The following LRRC72 variants were observed in gnomAD, a reference collection of about 807,000 sequenced individuals.
LRRC72 encodes the protein leucine rich repeat containing 72, also known as leucine-rich repeat-containing protein 72.
A neutral mutation model predicts 35.8 loss-of-function variants in LRRC72; 41 were observed. That is an observed-to-expected ratio of 1.15 (90% CI 0.89 to 1.49). The LOEUF (loss-of-function observed/expected upper bound fraction) is 1.49, where lower values mean the gene tolerates loss of function less well. LRRC72 is among the 40% of genes most tolerant of loss of function. The pLI is 0.00. For synonymous variants in LRRC72, 118 were observed against 119.2 expected, an observed-to-expected ratio of 0.99 and a Z score of 0.07; for missense variants, 389 against 330.7, an observed-to-expected ratio of 1.18 and a Z score of -1.37.
At chr7:16,527,381 A>G (rs964268405) in intron 1 of LRRC72, among the ~76,000 whole-genome samples, 3 of 152,064 alleles carry the variant, frequency 2.0e-5, no homozygotes, top group Non-Finnish European at 2.9e-5. Flanking sequence ...TCTGCTGCGT[A>G]TATAATTATA....
chr7:16,541,615 TA>T (rs1457572446), intron 3 of LRRC72, among the ~76,000 whole-genome samples: 1 of 152,124 alleles, frequency 6.6e-6, no homozygotes, highest in East Asian at 1.9e-4. Flanking sequence ...AAAACACTTT[TA>T]AAAAAACATA....
intron 3 of LRRC72, among the ~76,000 whole-genome samples, chr7:16,542,229 A>G (rs948998482): frequency 2.0e-5 from 3 of 152,172 alleles, no homozygotes; most frequent in Non-Finnish European, 4.4e-5. Context: ...ATGGACTTGC[A>G]GATGCACCTG....
chr7:16,574,809 A>G (rs1783009180), intron 7 of LRRC72, among the ~76,000 whole-genome samples: 1 of 151,332 alleles, frequency 6.6e-6, no homozygotes, highest in Admixed American at 6.6e-5. Flanking sequence ...AAATATATAT[A>G]TATATATTTT....
chr7:16,537,163 G>A (rs1782271448), intron 2 of LRRC72: 1 of 152,872 alleles, frequency 6.5e-6, no homozygotes, highest in Non-Finnish European at 1.5e-5. Flanking sequence ...CTGTCTCTTG[G>A]TGTCCTGCAA....
intron 3 of LRRC72, among the ~76,000 whole-genome samples, chr7:16,556,153 G>A (rs1782646914): frequency 6.6e-6 from 1 of 151,826 alleles, no homozygotes; most frequent in Non-Finnish European, 1.5e-5. Context: ...CCCATATTAT[G>A]TATACAGTAC....
intron 3 of LRRC72, among the ~76,000 whole-genome samples, chr7:16,553,417 T>TG (rs1470772821): frequency 2.0e-5 from 3 of 152,208 alleles, no homozygotes; most frequent in Non-Finnish European, 4.4e-5. Context: ...CTAGGTAAAC[T>TG]GGGGATATGG....
Position 16,581,349 on chromosome 7 carries a change from G to A in LRRC72, c.724G>A (p.Ala242Thr). 1 of 1,526,854 alleles carries A rather than the reference G, an allele frequency of 6.5e-7. No individual in the cohort carries two copies. 94.6% of individuals were successfully genotyped at this position (1,526,854 alleles called of 1,614,324 possible). A position where few individuals can be genotyped will look rare whatever the true frequency, so the allele number is the denominator to read the frequency against. Residue 242 changes from alanine to threonine, a missense_variant, in exon 9 of 9, where the codon GCT becomes ACT. Coordinates refer to ENST00000401542, the MANE Select transcript of LRRC72 (RefSeq NM_001195280.2). ...AACTGTGCTTGATGACCCAGAAGATGCTGTTTTTGTGAGGTCCATGAAGAG... is the reference window on the plus strand; with the variant it reads ...AACTGTGCTTGATGACCCAGAAGATACTGTTTTTGTGAGGTCCATGAAGAG... ...DKTVLDDPED[A>T]VFVRSMKRSV...
intron 5 of LRRC72, among the ~76,000 whole-genome samples, chr7:16,561,748 T>G (rs1462319153): frequency 6.6e-6 from 1 of 152,240 alleles, no homozygotes; most frequent in Non-Finnish European, 1.5e-5. Flanking sequence ...TCATGTTCCA[T>G]TTTGGTTAAA....
At chr7:16,535,776 C>G (rs1284867240) in intron 2 of LRRC72, among the ~76,000 whole-genome samples, 1 of 152,222 alleles carries the variant, frequency 6.6e-6, no homozygotes, top group African/African-American at 2.4e-5. Flanking sequence ...ATCTTCCTTG[C>G]ATTTGATCAA....
chr7:16,552,561 G>A (rs183548599), intron 3 of LRRC72, among the ~76,000 whole-genome samples: 129 of 152,310 alleles, frequency 8.5e-4, no homozygotes, highest in African/African-American at 3.0e-3. Flanking sequence ...CTTCTTTTTA[G>A]TTTGGATTGA....
chr7:16,560,597 T>C (rs1187500842), intron 5 of LRRC72, among the ~76,000 whole-genome samples: 2 of 152,114 alleles, frequency 1.3e-5, no homozygotes, highest in African/African-American at 2.4e-5. Flanking sequence ...AGACTAGTTA[T>C]GCTAGACCTA....
intron 1 of LRRC72, 132 bp from the exon 2 acceptor site, chr7:16,532,363 C>A: frequency 1.6e-6 from 1 of 620,462 alleles, no homozygotes; most frequent in Non-Finnish European, 2.9e-6. Flanking sequence ...TGGAATTTAT[C>A]AGTTTAGAAT....
intron 7 of LRRC72, among the ~76,000 whole-genome samples, chr7:16,574,505 G>A (rs902574288): frequency 6.6e-6 from 1 of 152,142 alleles, no homozygotes; most frequent in African/African-American, 2.4e-5. Context: ...GCAGGGATGT[G>A]GATGAAGCTG....
chr7:16,528,637 CTT>C (rs1024588834), intron 1 of LRRC72, among the ~76,000 whole-genome samples: 3 of 152,156 alleles, frequency 2.0e-5, no homozygotes, highest in African/African-American at 7.2e-5. Flanking sequence ...AGCTGGCAGA[CTT>C]TGTTTCCCAG....
intron 6 of LRRC72, among the ~76,000 whole-genome samples, chr7:16,566,680 C>G (rs1360824609): frequency 1.3e-5 from 2 of 152,102 alleles, no homozygotes; most frequent in Admixed American, 1.3e-4. Context: ...TTGACATTAA[C>G]AGGTTGGATG....
At chr7:16,576,845 G>A (rs1783049618) in intron 7 of LRRC72, among the ~76,000 whole-genome samples, 1 of 152,192 alleles carries the variant, frequency 6.6e-6, no homozygotes. Flanking sequence ...GTGTCACAGA[G>A]CCTGGGCCTG....
At chr7:16,527,146 A>G in intron 1 of LRRC72, 104 bp downstream of exon 1, 1 of 840,214 alleles carries the variant, frequency 1.2e-6, no homozygotes, top group Non-Finnish European at 1.9e-6. Context: ...TTTGGAGGGG[A>G]ATTTCAGTAG....
chr7:16,532,822 G>A, intron 2 of LRRC72: 1 of 529,324 alleles, frequency 1.9e-6, no homozygotes, highest in Non-Finnish European at 3.5e-6. Flanking sequence ...GTGATCTTGG[G>A]TATGTCATAT....
At chr7:16,572,057 C>CA (rs1387991409) in intron 7 of LRRC72, among the ~76,000 whole-genome samples, 1 of 152,146 alleles carries the variant, frequency 6.6e-6, no homozygotes, top group Non-Finnish European at 1.5e-5. Flanking sequence ...GTTTTCCCCT[C>CA]ACAGTGTTAA....
Sources: gnomAD v4.1 joint callset for allele counts (sites outside exome capture counted in the v4.1 genomes callset) on GRCh38, gnomAD v4.1.1 for gene constraint, MANE v1.5 for transcripts, NCBI Gene and HGNC (gene_info 2026-07-23, HGNC 2026-07-21) for gene names.